ARHGAP32: variants seen among roughly 807,000 people sequenced by gnomAD.
ARHGAP32 encodes Rho GTPase activating protein 32, also known as rho GTPase-activating protein 32.
ARHGAP32 carries 51 observed loss-of-function variants against 186.5 expected under a neutral mutation model. That is an observed-to-expected ratio of 0.27 (90% CI 0.22 to 0.35). The LOEUF is 0.35. ARHGAP32 is among the 10% of genes least tolerant of loss of function. The pLI, the probability that ARHGAP32 is intolerant of heterozygous loss-of-function variation, is 1.00. For missense variants in ARHGAP32, 2,186 were observed against 2,623.5 expected (o/e 0.83, Z 3.64); for synonymous variants, 950 against 964.3 (o/e 0.99, Z 0.27).
At chr11:129,041,165 AAAT>A (rs1471858078) in intron 10 of ARHGAP32, among the ~76,000 whole-genome samples, 156 bp from the exon 11 acceptor site, 3 of 152,352 alleles carry the variant, frequency 2.0e-5, no homozygotes, top group African/African-American at 7.2e-5. Flanking sequence ...TTACACAAAC[AAAT>A]AATAAAACAA....
intron 7 of ARHGAP32, 134 bp from the exon 8 acceptor site, chr11:129,065,067 A>C (rs1940640701): frequency 1.5e-6 from 1 of 660,748 alleles, no homozygotes; most frequent in Non-Finnish European, 2.6e-6. Context: ...CTCTTCACAG[A>C]AACTTACCAG....
chr11:128,984,262 C>T (rs567513949), intron 15 of ARHGAP32, among the ~76,000 whole-genome samples: 8 of 151,836 alleles, frequency 5.3e-5, no homozygotes, highest in African/African-American at 1.9e-4. Context: ...GTGGTCTCAG[C>T]TACTTGGGGG....
upstream of ARHGAP32, among the ~76,000 whole-genome samples, chr11:129,192,383 G>A (rs921695128): frequency 1.3e-5 from 2 of 152,118 alleles, no homozygotes; most frequent in Admixed American, 1.3e-4. Context: ...CAGTCACTGC[G>A]TCTGACTGCC....
intron 1 of ARHGAP32, among the ~76,000 whole-genome samples, chr11:129,183,776 T>C (rs1324611970): frequency 1.3e-5 from 2 of 151,970 alleles, no homozygotes; most frequent in Admixed American, 6.6e-5. Context: ...ACCCACCAAA[T>C]TGCATGAAAG....
intron 2 of ARHGAP32, among the ~76,000 whole-genome samples, chr11:129,152,531 T>C (rs1591654206): frequency 6.6e-6 from 1 of 152,142 alleles, no homozygotes; most frequent in East Asian, 1.9e-4. Context: ...AAAAATATGA[T>C]ACAGCATGAC....
At chr11:129,049,342 C>G (rs775150084) in intron 10 of ARHGAP32, among the ~76,000 whole-genome samples, 9 of 152,176 alleles carry the variant, frequency 5.9e-5, no homozygotes, top group Non-Finnish European at 1.0e-4. Flanking sequence ...GCATGAACAA[C>G]ATGAAGTCAA....
At chr11:129,148,973 C>T (rs929301889) in intron 2 of ARHGAP32, among the ~76,000 whole-genome samples, 6 of 152,192 alleles carry the variant, frequency 3.9e-5, no homozygotes, top group African/African-American at 1.4e-4. Context: ...AGCTTGGACC[C>T]ACCTAAACCA....
At chr11:129,015,870 GGTAA>G (rs1938312784) in intron 11 of ARHGAP32, among the ~76,000 whole-genome samples, 1 of 152,092 alleles carries the variant, frequency 6.6e-6, no homozygotes, top group Non-Finnish European at 1.5e-5. Flanking sequence ...TGTATAATCT[GGTAA>G]GTGTCTCCCT....
At chr11:129,204,961 T>A (rs2197141) in intron 1 of ARHGAP32, among the ~76,000 whole-genome samples, 19,050 of 152,170 alleles carry the variant, frequency 0.13, 1,348 homozygotes, top group Non-Finnish European at 0.15. Context: ...CAGAGAAGCA[T>A]TTTTCCCATT....
intron 6 of ARHGAP32, among the ~76,000 whole-genome samples, chr11:129,067,681 T>C (rs1591584953): frequency 6.6e-6 from 1 of 152,064 alleles, no homozygotes; most frequent in Non-Finnish European, 1.5e-5. Context: ...CCCGACTGTA[T>C]AGCATATAGT....
intron 10 of ARHGAP32, among the ~76,000 whole-genome samples, chr11:129,053,342 G>T (rs1397062335): frequency 1.3e-5 from 2 of 152,128 alleles, no homozygotes; most frequent in African/African-American, 4.8e-5. Context: ...CATCACGCTT[G>T]TATTCTGGTC....
chr11:129,086,022 AAAAAAAAC>A (rs1442564409), intron 6 of ARHGAP32, among the ~76,000 whole-genome samples: 1 of 151,398 alleles, frequency 6.6e-6, no homozygotes, highest in Non-Finnish European at 1.5e-5. Flanking sequence ...ACAAACAAAA[AAAAAAAAC>A]AAAAAAAAGA....
At chr11:129,024,106 C>T (rs545316334) in intron 11 of ARHGAP32, 13 of 985,490 alleles carry the variant, frequency 1.3e-5, no homozygotes, top group Middle Eastern at 5.2e-4. Context: ...GTTTTCAGTC[C>T]AGTCAGTGGA....
intron 1 of ARHGAP32, among the ~76,000 whole-genome samples, chr11:129,167,536 T>TA (rs560647508): frequency 5.1e-4 from 77 of 152,202 alleles, no homozygotes; most frequent in African/African-American, 1.8e-3. Flanking sequence ...ATTCAGTCAT[T>TA]AAAAAAGAAT....
intron 12 of ARHGAP32, among the ~76,000 whole-genome samples, chr11:128,990,193 G>A (rs1033890539): frequency 5.3e-5 from 8 of 152,110 alleles, no homozygotes; most frequent in African/African-American, 1.9e-4. Flanking sequence ...CAAAATCCAG[G>A]TAAACTATCA....
chr11:129,075,616 A>C (rs1941012475), intron 6 of ARHGAP32, among the ~76,000 whole-genome samples: 1 of 100,914 alleles, frequency 9.9e-6, no homozygotes, highest in South Asian at 2.8e-4. Context: ...AAAATCAATA[A>C]GAAAATAGTT....
At chr11:129,097,900 G>T (rs1941780828) in intron 5 of ARHGAP32, among the ~76,000 whole-genome samples, 1 of 152,110 alleles carries the variant, frequency 6.6e-6, no homozygotes, top group African/African-American at 2.4e-5. Flanking sequence ...CAAAGACAAG[G>T]AGGCAATCTT....
intron 1 of ARHGAP32, among the ~76,000 whole-genome samples, chr11:129,187,781 C>G (rs1944192505): frequency 6.6e-6 from 1 of 152,070 alleles, no homozygotes; most frequent in South Asian, 2.1e-4. Flanking sequence ...TAAGTTGTAG[C>G]TTTTTGGGCA....
chr11:129,163,123 C>T lies in ARHGAP32; in HGVS notation c.225+1196G>A, dbSNP rs558571179. ...AGAATCTAACAGAATTCTATAAATG[C>T]CTTCCTAGTGACAAATATGTTCAAT... On this transcript the variant is annotated intron_variant, in intron 2 of 22. Coordinates refer to ENST00000682385, the MANE Select transcript of ARHGAP32 (RefSeq NM_001378024.1). Among the ~76,000 whole-genome samples the T allele has an allele frequency of 9.9e-5, 15 of 152,218 alleles. No individual in the cohort carries two copies. The South Asian group carries it at 3.1e-3, about 32-fold the overall frequency.
Sources: allele counts gnomAD v4.1 joint callset (sites outside exome capture counted in the v4.1 genomes callset), GRCh38; gene constraint gnomAD v4.1.1; transcripts MANE v1.5; gene names NCBI Gene and HGNC (gene_info 2026-07-23, HGNC 2026-07-21).